ZMYM4: variants seen among roughly 807,000 people sequenced by gnomAD.
ZMYM4 encodes zinc finger MYM-type containing 4, also known as zinc finger MYM-type protein 4.
A neutral mutation model predicts 183.2 loss-of-function variants in ZMYM4; 31 were observed. The observed-to-expected ratio is 0.17, with a 90% CI of 0.13 to 0.23. The LOEUF is 0.23. Ranked by LOEUF, ZMYM4 falls within the 10% of genes least tolerant of loss-of-function variation. The pLI is 1.00. For missense variants in ZMYM4, 1,273 were observed against 1,840.3 expected (o/e 0.69, Z 5.64); for synonymous variants, 592 against 631.2 (o/e 0.94, Z 0.93).
intron 1 of ZMYM4, among the ~76,000 whole-genome samples, chr1:35,287,175 G>A (rs889703136): frequency 6.7e-6 from 1 of 148,368 alleles, no homozygotes; most frequent in Non-Finnish European, 1.5e-5. Context: ...CCCTCAGCTT[G>A]TATTTTCTTG....
At chr1:35,306,711 T>C (rs1411978980) in intron 1 of ZMYM4, among the ~76,000 whole-genome samples, 2 of 152,238 alleles carry the variant, frequency 1.3e-5, no homozygotes, top group African/African-American at 4.8e-5. Flanking sequence ...GTTTTATGTC[T>C]TGTTTCTTTT....
At chr1:35,315,924 T>TG (rs1459354859) in intron 1 of ZMYM4, among the ~76,000 whole-genome samples, 3 of 151,816 alleles carry the variant, frequency 2.0e-5, no homozygotes, top group African/African-American at 2.4e-5. Flanking sequence ...AGTCCCTGTC[T>TG]GGGGGAAAAA....
chr1:35,418,620 A>G (rs373359644), intron 29 of ZMYM4, 48 bp downstream of exon 29: 19 of 1,600,484 alleles, frequency 1.2e-5, no homozygotes, highest in African/African-American at 1.1e-4. Context: ...GGCAGTTAAC[A>G]TATTTTGGAT....
intron 1 of ZMYM4, among the ~76,000 whole-genome samples, chr1:35,279,625 CTT>C (rs1395625137): frequency 2.6e-5 from 4 of 152,178 alleles, no homozygotes; most frequent in African/African-American, 9.7e-5. Context: ...CAATTTATCT[CTT>C]TCTTCTTGTA....
At chr1:35,350,197 T>C (rs1193258854) in intron 2 of ZMYM4, among the ~76,000 whole-genome samples, 1 of 143,058 alleles carries the variant, frequency 7.0e-6, no homozygotes, top group Non-Finnish European at 1.5e-5. Context: ...ACTCCTGGGC[T>C]CAAGTGATCT....
At chr1:35,270,438 C>T (rs1475277572) in intron 1 of ZMYM4, among the ~76,000 whole-genome samples, 1 of 152,166 alleles carries the variant, frequency 6.6e-6, no homozygotes, top group Non-Finnish European at 1.5e-5. Flanking sequence ...AGCAGTCATA[C>T]ACCCAACCGC....
chr1:35,352,142 T>G (rs1427154924), intron 2 of ZMYM4, among the ~76,000 whole-genome samples: 2 of 152,212 alleles, frequency 1.3e-5, no homozygotes, highest in African/African-American at 4.8e-5. Flanking sequence ...CTTGCACCTA[T>G]AATTCCAGCA....
intron 1 of ZMYM4, among the ~76,000 whole-genome samples, chr1:35,270,270 G>A (rs1410861378): frequency 2.6e-5 from 4 of 152,312 alleles, no homozygotes; most frequent in African/African-American, 9.6e-5. Context: ...CAACTATAGT[G>A]CCTGTGTGGG....
intron 2 of ZMYM4, among the ~76,000 whole-genome samples, chr1:35,356,127 T>C (rs1243690382): frequency 6.6e-6 from 1 of 152,178 alleles, no homozygotes; most frequent in Non-Finnish European, 1.5e-5. Context: ...GGAGGATTGC[T>C]TGAGTCCTGG....
Position 35,397,649 on chromosome 1 carries a change from A to G in ZMYM4, c.3199+104A>G, listed in dbSNP as rs945169276. 22 of 988,676 alleles carry G rather than the reference A, an allele frequency of 2.2e-5. No individual in the cohort carries two copies. In the African/African-American group the frequency reaches 3.3e-4, roughly 15 times the overall value. The allele number at this position is 988,676 out of a possible 1,614,324, so 61.2% of individuals were successfully genotyped here. ...AAGACAGGGTGTTTCTAAAACCTTT[A>G]TTGTCTGTGAATACCAAGCCTGTGG... is the stretch of plus-strand genomic sequence containing the variant. On this transcript the variant is annotated intron_variant, in intron 20 of 29. Coordinates refer to ENST00000314607, the MANE Select transcript of ZMYM4 (RefSeq NM_005095.3).
At chr1:35,289,155 A>T (rs954044691) in intron 1 of ZMYM4, among the ~76,000 whole-genome samples, 1 of 152,228 alleles carries the variant, frequency 6.6e-6, no homozygotes, top group Admixed American at 6.5e-5. Flanking sequence ...CAGTAGGAAG[A>T]ATAGATAATT....
At chr1:35,373,259 C>T (rs1222250838) in intron 7 of ZMYM4, among the ~76,000 whole-genome samples, 1 of 150,852 alleles carries the variant, frequency 6.6e-6, no homozygotes, top group Non-Finnish European at 1.5e-5. Flanking sequence ...TATATACACA[C>T]ACACCCACAC....
chr1:35,382,531 C>T (rs1166122967), intron 9 of ZMYM4, among the ~76,000 whole-genome samples: 1 of 151,502 alleles, frequency 6.6e-6, no homozygotes, highest in Non-Finnish European at 1.5e-5. Flanking sequence ...CAACCTCCAC[C>T]TCCCTGGTTC....
At chr1:35,380,910 A>G (rs888724371) in intron 7 of ZMYM4, among the ~76,000 whole-genome samples, 3 of 152,210 alleles carry the variant, frequency 2.0e-5, no homozygotes, top group Admixed American at 6.5e-5. Flanking sequence ...TATTTTTTAA[A>G]GAATATTTTG....
At chr1:35,331,771 CAGAAA>C (rs149695662) in intron 2 of ZMYM4, among the ~76,000 whole-genome samples, 2,002 of 147,150 alleles carry the variant, frequency 0.014, 47 homozygotes, top group African/African-American at 0.048. Context: ...TCCTGAGAAA[CAGAAA>C]AAGACTCCAT....
intron 5 of ZMYM4, 109 bp from the exon 6 acceptor site, chr1:35,369,920 A>T: frequency 1.5e-6 from 1 of 663,716 alleles, no homozygotes; most frequent in Non-Finnish European, 2.4e-6. Context: ...CTAATGTTTT[A>T]AACATTTTCC....
At chr1:35,417,455 A>G (rs982285256) in intron 28 of ZMYM4, among the ~76,000 whole-genome samples, 4 of 152,170 alleles carry the variant, frequency 2.6e-5, no homozygotes, top group African/African-American at 9.7e-5. Flanking sequence ...TCTCTTCCCA[A>G]CAAAGATGCC....
At chr1:35,379,780 T>C (rs1644413325) in intron 7 of ZMYM4, among the ~76,000 whole-genome samples, 1 of 152,210 alleles carries the variant, frequency 6.6e-6, no homozygotes, top group Non-Finnish European at 1.5e-5. Flanking sequence ...CTTTCGATAT[T>C]ATTATGCCTC....
chr1:35,397,143 ATTCT>A (rs1644823315), intron 19 of ZMYM4: 5 of 1,105,128 alleles, frequency 4.5e-6, no homozygotes, highest in Non-Finnish European at 5.5e-6. Context: ...TTATAGAATT[ATTCT>A]TTTAGAGGAT....
Sources: allele counts gnomAD v4.1 joint callset (sites outside exome capture counted in the v4.1 genomes callset), GRCh38; gene constraint gnomAD v4.1.1; transcripts MANE v1.5; gene names NCBI Gene and HGNC (gene_info 2026-07-23, HGNC 2026-07-21).